The following PITPNM2 variants were observed in gnomAD, a reference collection of about 807,000 sequenced individuals.
PITPNM2 encodes the protein phosphatidylinositol transfer protein membrane associated 2.
Under a neutral mutation model 132.2 loss-of-function variants are expected in PITPNM2, and 35 were observed. That is an observed-to-expected ratio of 0.26 (90% CI 0.20 to 0.35). The LOEUF (loss-of-function observed/expected upper bound fraction) is 0.35. PITPNM2 is among the 10% of genes least tolerant of loss of function. PITPNM2 has a pLI of 1.00. For missense variants in PITPNM2, 1,332 were observed against 1,912.0 expected (o/e 0.70, Z 5.66); for synonymous variants, 738 against 799.2 (o/e 0.92, Z 1.29).
Position 122,994,637 on chromosome 12 carries a change from G to A in PITPNM2, c.2233+164C>T, listed in dbSNP as rs552069233. On this transcript the variant is annotated intron_variant, in intron 15 of 25. Coordinates refer to ENST00000320201, the MANE Select transcript of PITPNM2 (RefSeq NM_020845.3). The surrounding 1 kb of genome is among the most constrained non-coding windows in gnomAD (Gnocchi z 5.4). ...ACGGACGGCCAGTGACTGAGCTGCT[G>A]AAGCAGGAGCAGAGGATAGCAAGGG... Among the ~76,000 whole-genome samples, 3 of 152,314 alleles carry A rather than the reference G, an allele frequency of 2.0e-5. 1 individual carries two copies. In the East Asian group the frequency reaches 5.8e-4, roughly 29 times the overall value.
At chr12:123,085,908 T>C (rs61110645) in intron 2 of PITPNM2, among the ~76,000 whole-genome samples, 7,489 of 152,194 alleles carry the variant, frequency 0.049, 617 homozygotes, top group African/African-American at 0.17. Context: ...CCAGCATGAC[T>C]AAGCCAGGAT....
chr12:123,061,296 G>T (rs370915703), intron 2 of PITPNM2, among the ~76,000 whole-genome samples: 2 of 152,342 alleles, frequency 1.3e-5, no homozygotes. Context: ...TCATGACAAG[G>T]CACGGTCTAT....
At chr12:123,061,999 G>C (rs2041252978) in intron 2 of PITPNM2, among the ~76,000 whole-genome samples, 1 of 152,046 alleles carries the variant, frequency 6.6e-6, no homozygotes, top group Non-Finnish European at 1.5e-5. Flanking sequence ...TAGGCGGTAA[G>C]TTCCTAGGGA....
In PITPNM2 at chr12:122,989,880, T is replaced by C; in HGVS notation, c.2638A>G (p.Ser880Gly). 3.7e-5 allele frequency: 6 copies of C among 160,198 alleles called. No homozygotes were observed. Among genetic ancestry groups the C allele is most frequent in the Non-Finnish European group, 6.1e-5 (6 of 97,686 alleles). 9.9% of individuals were successfully genotyped at this position (160,198 alleles called of 1,614,324 possible). A position where few individuals can be genotyped will look rare whatever the true frequency, so the allele number is the denominator to read the frequency against. Reference sequence around the variant, plus strand: ...GGGTGGGGGCCAGGGGTGGTGGGGCTGGGGGCGGGCAGGGCGAGCAGGGAC... The same window carrying C: ...GGGTGGGGGCCAGGGGTGGTGGGGCCGGGGGCGGGCAGGGCGAGCAGGGAC... ...RLSLLALPAP[S>G]PTTPGPHPPA... Residue 880 changes from serine (S) to glycine (G), a missense_variant, in exon 18 of 26, where the codon AGC (serine) becomes GGC (glycine). Around this residue, in one of 6 missense-constraint regions of PITPNM2, gnomAD observed 710 missense variants for 911.5 expected, o/e 0.78. Coordinates refer to ENST00000320201, the MANE Select transcript of PITPNM2 (RefSeq NM_020845.3).
intron 2 of PITPNM2, among the ~76,000 whole-genome samples, chr12:123,096,957 G>C (rs2137176778): frequency 6.6e-6 from 1 of 152,296 alleles, no homozygotes; most frequent in Non-Finnish European, 1.5e-5. Flanking sequence ...TGTGCTTAGT[G>C]CAACACAGCT....
At chr12:123,129,527 G>A (rs1254026805) in intron 1 of PITPNM2, among the ~76,000 whole-genome samples, 2 of 151,642 alleles carry the variant, frequency 1.3e-5, no homozygotes, top group African/African-American at 2.4e-5. Flanking sequence ...CCGAGATTGC[G>A]CCACTGCACT....
intron 5 of PITPNM2, among the ~76,000 whole-genome samples, 195 bp downstream of exon 5, chr12:123,012,418 A>T (rs2039247859): frequency 6.6e-6 from 1 of 152,190 alleles, no homozygotes; most frequent in Non-Finnish European, 1.5e-5. Context: ...TGGTGTATAT[A>T]TCAGGAGAAT....
rs539645068 is a variant in PITPNM2, at chr12:122,994,164, C to T, written c.2233+637G>A. ...GCTGGATTACAGGCGTGAGCCACCG[C>T]GCCCGGCCAGCTCTGCATTTTTAAC... On this transcript the variant is annotated intron_variant, in intron 15 of 25. Coordinates refer to ENST00000320201, the MANE Select transcript of PITPNM2 (RefSeq NM_020845.3). The surrounding 1 kb of genome is among the most constrained non-coding windows in gnomAD (Gnocchi z 5.4). Among the ~76,000 whole-genome samples, 9 of 152,364 alleles carry T rather than the reference C, an allele frequency of 5.9e-5. No individual in the cohort carries two copies. In the South Asian group the frequency reaches 1.2e-3, roughly 21 times the overall value.
intron 2 of PITPNM2, chr12:123,088,456 T>C (rs2042172495): frequency 6.6e-6 from 1 of 152,164 alleles, no homozygotes; most frequent in Non-Finnish European, 1.5e-5. Flanking sequence ...ACCTGGCACA[T>C]GAGTGGTGTT....
intron 3 of PITPNM2, chr12:123,021,773 G>A (rs779239213): frequency 3.4e-6 from 3 of 892,226 alleles, no homozygotes; most frequent in South Asian, 5.2e-5. Flanking sequence ...AAATGTCTGG[G>A]TACAAACCCT....
intron 4 of PITPNM2, among the ~76,000 whole-genome samples, chr12:123,013,300 C>G (rs1335736548): frequency 6.6e-6 from 1 of 152,224 alleles, no homozygotes; most frequent in Non-Finnish European, 1.5e-5. Context: ...CAGCTCCCAT[C>G]TATTCAACTC....
At chr12:123,070,327 G>C (rs2041585442) in intron 2 of PITPNM2, among the ~76,000 whole-genome samples, 2 of 152,188 alleles carry the variant, frequency 1.3e-5, no homozygotes. Flanking sequence ...GGCCTGTGTG[G>C]GCCTTAGTGT....
At chr12:122,999,683 C>T (rs2038575446) in intron 10 of PITPNM2, among the ~76,000 whole-genome samples, 1 of 152,182 alleles carries the variant, frequency 6.6e-6, no homozygotes, top group Non-Finnish European at 1.5e-5. Context: ...GACACCTGGC[C>T]TGCCCTGGGC....
intron 3 of PITPNM2, among the ~76,000 whole-genome samples, chr12:123,014,477 G>A (rs899451507): frequency 6.6e-6 from 1 of 152,242 alleles, no homozygotes; most frequent in East Asian, 1.9e-4. Context: ...GCTGAGGTGG[G>A]CAGATCACTT....
chr12:123,038,195 A>C (rs1355274904), intron 2 of PITPNM2, among the ~76,000 whole-genome samples: 1 of 152,290 alleles, frequency 6.6e-6, no homozygotes, highest in Non-Finnish European at 1.5e-5. Flanking sequence ...AAGGAACTAA[A>C]GAGCTGTAGA....
chr12:122,990,402 C>T, intron 17 of PITPNM2, 143 bp downstream of exon 17: 1 of 1,230,376 alleles, frequency 8.1e-7, no homozygotes, highest in Non-Finnish European at 1.1e-6. Context: ...CCAGCAGCCT[C>T]CCTCCCTCTA....
chr12:123,088,182 T>G (rs1378689684), intron 2 of PITPNM2: 2 of 152,364 alleles, frequency 1.3e-5, no homozygotes, highest in Admixed American at 1.3e-4. Flanking sequence ...TGCCTCAAAC[T>G]TGCCAGGACA....
intron 1 of PITPNM2, among the ~76,000 whole-genome samples, chr12:123,118,841 C>A (rs1417813764): frequency 6.6e-6 from 1 of 152,206 alleles, no homozygotes; most frequent in Non-Finnish European, 1.5e-5. Flanking sequence ...ACATACCATA[C>A]CACTGATGGG....
At chr12:123,127,407 C>A (rs1159315866) in intron 1 of PITPNM2, among the ~76,000 whole-genome samples, 2 of 152,152 alleles carry the variant, frequency 1.3e-5, no homozygotes, top group Non-Finnish European at 2.9e-5. Flanking sequence ...TGCTCCTACC[C>A]ATCAAATTCA....
Sources: allele counts gnomAD v4.1 joint callset (sites outside exome capture counted in the v4.1 genomes callset), GRCh38; gene constraint gnomAD v4.1.1; regional missense constraint gnomAD v4.1.1; non-coding constraint Gnocchi (gnomAD v3.1); transcripts MANE v1.5; gene names NCBI Gene and HGNC (gene_info 2026-07-23, HGNC 2026-07-21).